Variants in TCF4 observed in about 807,000 individuals in gnomAD.
The protein encoded by TCF4 is SL3-3 enhancer factor 2.
In TCF4, 3 loss-of-function variants were observed where a neutral mutation model predicts 82.1. That is an observed-to-expected ratio of 0.04 (90% confidence interval 0.02 to 0.09). The LOEUF is 0.09. Among genes scored for constraint, TCF4 ranks in the 10% least tolerant of loss-of-function variants. The pLI, the probability that TCF4 is intolerant of heterozygous loss-of-function variation, is 1.00. For synonymous variants in TCF4, 276 were observed against 309.6 expected, an observed-to-expected ratio of 0.89 and a Z score of 1.14; for missense variants, 518 against 852.7, an observed-to-expected ratio of 0.61 and a Z score of 4.89.
intron 5 of TCF4, among the ~76,000 whole-genome samples, chr18:55,414,679 G>C (rs2094466412): frequency 6.6e-6 from 1 of 152,022 alleles, no homozygotes; most frequent in South Asian, 2.1e-4. Context: ...CTCCACCCAG[G>C]CAATGGTAGA....
intron 8 of TCF4, among the ~76,000 whole-genome samples, chr18:55,319,685 A>C (rs1408460327): frequency 1.3e-5 from 2 of 152,132 alleles, no homozygotes; most frequent in Non-Finnish European, 2.9e-5. Flanking sequence ...CTCTCAAAAA[A>C]AAAAAAAATC....
At chr18:55,635,490 C>T (rs2097735428) in intron 1 of TCF4, among the ~76,000 whole-genome samples, 1 of 146,264 alleles carries the variant, frequency 6.8e-6, no homozygotes, top group African/African-American at 2.5e-5. Flanking sequence ...GCCTGTGAGA[C>T]AGAGTGAGGC....
chr18:55,453,900 C>CTGGA (rs1374434708), intron 5 of TCF4, among the ~76,000 whole-genome samples: 1 of 151,814 alleles, frequency 6.6e-6, no homozygotes, highest in Non-Finnish European at 1.5e-5. Context: ...GTCACCCAGG[C>CTGGA]TGGAGTGCAA....
chr18:55,401,883 G>T, intron 6 of TCF4: 1 of 864,174 alleles, frequency 1.2e-6, no homozygotes, highest in Non-Finnish European at 1.4e-6. Flanking sequence ...CTGCAGAAAG[G>T]AAGGATGTTG....
intron 2 of TCF4, among the ~76,000 whole-genome samples, chr18:55,612,798 A>C (rs1165428318): frequency 6.6e-6 from 1 of 152,090 alleles, no homozygotes; most frequent in Non-Finnish European, 1.5e-5. Context: ...AAATACAAAA[A>C]TTACTTGGGC....
chr18:55,599,733 C>T (rs2097694818), intron 2 of TCF4, among the ~76,000 whole-genome samples: 1 of 152,174 alleles, frequency 6.6e-6, no homozygotes, highest in Non-Finnish European at 1.5e-5. Flanking sequence ...AAACAAAAAA[C>T]TGTGGTACAA....
intron 3 of TCF4, among the ~76,000 whole-genome samples, chr18:55,474,236 T>A (rs540217732): frequency 6.6e-6 from 1 of 152,310 alleles, no homozygotes; most frequent in East Asian, 1.9e-4. Context: ...ATGGGCTCAA[T>A]AGGACATGTA....
At chr18:55,479,333 G>C (rs138728286) in intron 3 of TCF4, 159 of 154,282 alleles carry the variant, frequency 1.0e-3, no homozygotes, top group African/African-American at 2.3e-3. Context: ...TCAACCTCTG[G>C]AAGACACTGG....
At position 55,232,541 on chromosome 18, in the gene TCF4, C is replaced by T. The variant is rs1488846085; in HGVS notation, c.1617G>A (p.Lys539=). 2 of 1,614,102 alleles carry T rather than the reference C, an allele frequency of 1.2e-6. No homozygotes were observed. The highest frequency in any genetic ancestry group is 1.7e-5 in the Admixed American group (1 of 60,004). The change falls in exon 17 of 20, where the codon AAG becomes AAA. Residue 539 remains lysine, a synonymous_variant. Transcript: ENST00000354452. Reference sequence around the variant, plus strand: ...TTGACCTAGTAATTGATTTGATATCCTTCTTGTCGTCATCTAATTTCTTGT... The same window carrying T: ...TTGACCTAGTAATTGATTTGATATCTTTCTTGTCGTCATCTAATTTCTTGT... ...SEDKKLDDDK[K]DIKSITRSRS...
At chr18:55,305,003 G>A (rs1568876374) in intron 8 of TCF4, among the ~76,000 whole-genome samples, 1 of 151,994 alleles carries the variant, frequency 6.6e-6, no homozygotes, top group Admixed American at 6.6e-5. Context: ...TCAGGTGACG[G>A]GACACAATAA....
At chr18:55,485,633 G>T (rs1414334621) in intron 3 of TCF4, among the ~76,000 whole-genome samples, 1 of 152,168 alleles carries the variant, frequency 6.6e-6, no homozygotes. Flanking sequence ...CTTAGCACAG[G>T]TAACGTTAAT....
intron 8 of TCF4, among the ~76,000 whole-genome samples, chr18:55,317,261 T>C (rs1292707788): frequency 6.6e-6 from 1 of 152,108 alleles, no homozygotes; most frequent in African/African-American, 2.4e-5. Context: ...TGTTTTATTT[T>C]ATTGAACCAG....
intron 3 of TCF4, among the ~76,000 whole-genome samples, chr18:55,477,196 T>C (rs565778199): frequency 1.3e-5 from 2 of 152,164 alleles, no homozygotes; most frequent in Non-Finnish European, 2.9e-5. Flanking sequence ...AAATGCAATA[T>C]CTGGGATCAT....
At chr18:55,322,527 G>C (rs1193273987) in intron 8 of TCF4, among the ~76,000 whole-genome samples, 2 of 151,930 alleles carry the variant, frequency 1.3e-5, no homozygotes, top group African/African-American at 2.4e-5. Flanking sequence ...CCTACAAAAC[G>C]GGGTTGCGGA....
intron 6 of TCF4, among the ~76,000 whole-genome samples, chr18:55,387,300 G>A (rs1056091267): frequency 1.3e-5 from 2 of 152,186 alleles, no homozygotes; most frequent in Non-Finnish European, 2.9e-5. Context: ...TCAGAGTTTG[G>A]GTCTAACCAG....
At chr18:55,369,126 C>T (rs1000860257) in intron 6 of TCF4, among the ~76,000 whole-genome samples, 3 of 152,054 alleles carry the variant, frequency 2.0e-5, no homozygotes, top group Non-Finnish European at 2.9e-5. Flanking sequence ...TACATAGTAG[C>T]GCATCTTATA....
intron 5 of TCF4, among the ~76,000 whole-genome samples, chr18:55,434,442 T>C (rs1471204365): frequency 2.5e-5 from 3 of 118,288 alleles, no homozygotes; most frequent in African/African-American, 9.4e-5. Context: ...TTTTTTGAGA[T>C]GGAGTCTCGC....
intron 5 of TCF4, among the ~76,000 whole-genome samples, chr18:55,432,269 T>C (rs781519833): frequency 1.6e-4 from 25 of 152,010 alleles, no homozygotes; most frequent in Non-Finnish European, 3.5e-4. Context: ...TGCCACTGCA[T>C]TCCAGCCTGG....
At chr18:55,488,371 C>T (rs1203726916) in intron 3 of TCF4, among the ~76,000 whole-genome samples, 1 of 151,896 alleles carries the variant, frequency 6.6e-6, no homozygotes, top group East Asian at 1.9e-4. Context: ...GAAACGATTA[C>T]ATAAACAGGA....
Sources: gnomAD v4.1 joint callset for allele counts (sites outside exome capture counted in the v4.1 genomes callset) on GRCh38, gnomAD v4.1.1 for gene constraint, MANE v1.5 for transcripts, NCBI Gene and HGNC (gene_info 2026-07-23, HGNC 2026-07-21) for gene names.